Variants in EXOSC10 observed in about 807,000 individuals in gnomAD.
EXOSC10 encodes the protein exosome complex component 10.
Under a neutral mutation model 126.6 loss-of-function variants are expected in EXOSC10, and 94 were observed. That is an observed-to-expected ratio of 0.74 (90% CI 0.63 to 0.88). EXOSC10 has a LOEUF of 0.88. EXOSC10 is among the 40% of genes least tolerant of loss of function. EXOSC10 has a pLI of 0.00. For missense variants in EXOSC10, 1,041 were observed against 1,100.5 expected (o/e 0.95, Z 0.77); for synonymous variants, 395 against 400.8 (o/e 0.99, Z 0.17).
At chr1:11,079,330 A>C (rs1179700786) in intron 14 of EXOSC10, among the ~76,000 whole-genome samples, 1 of 151,222 alleles carries the variant, frequency 6.6e-6, no homozygotes, top group African/African-American at 2.4e-5. Flanking sequence ...TCCGTCTAAA[A>C]AAAACAAAAA....
At position 11,068,532 on chromosome 1, in the gene EXOSC10, G is replaced by C. The variant is rs1031501939; in HGVS notation, c.2550+113C>G. Reference sequence around the variant, plus strand: ...CTGCCCTTGGGAAGAAATGAGGTGAGGAAAAAGATATGCAAAGGAATGGAC... The same window carrying C: ...CTGCCCTTGGGAAGAAATGAGGTGACGAAAAAGATATGCAAAGGAATGGAC... On this transcript the variant is annotated intron_variant, in intron 23 of 24. Transcript: ENST00000376936. 5 of 824,420 alleles carry C rather than the reference G, an allele frequency of 6.1e-6. No individual in the cohort carries two copies. The Admixed American group carries it at 9.7e-5, about 16-fold the overall frequency. 51.1% of individuals were successfully genotyped at this position (824,420 alleles called of 1,614,324 possible).
intron 2 of EXOSC10, 119 bp downstream of exon 2, chr1:11,097,901 T>G: frequency 9.7e-7 from 1 of 1,029,006 alleles, no homozygotes; most frequent in Non-Finnish European, 1.3e-6. Flanking sequence ...ATTTTCACAT[T>G]TTATAGCTCT....
chr1:11,089,870 G>A (rs1267108347), intron 6 of EXOSC10, among the ~76,000 whole-genome samples: 1 of 152,150 alleles, frequency 6.6e-6, no homozygotes, highest in Admixed American at 6.5e-5. Flanking sequence ...CTTGAGCCCA[G>A]GAGGTAAAGG....
At position 11,087,504 on chromosome 1, in the gene EXOSC10, G is replaced by T; in HGVS notation, c.1033C>A (p.Leu345Ile). Residue 345 changes from leucine (L) to isoleucine (I), a missense_variant, in exon 9 of 25, where the codon CTT becomes ATT. By Grantham distance (5) the Leu-to-Ile change is conservative. This residue lies in a region of EXOSC10 where 645 missense variants were observed against 656.3 expected (regional missense o/e 0.98). Transcript: ENST00000376936. The part of the protein sequence containing the change: ...TEDFIIDTLE[L>I]RSDMYILNES... Reference sequence around the variant, plus strand: ...TTGAGAATGTACATGTCACTTCGAAGCTCGAGGGTGTCAATGATGAAGTCT... The same window carrying T: ...TTGAGAATGTACATGTCACTTCGAATCTCGAGGGTGTCAATGATGAAGTCT... 6.2e-7 allele frequency: 1 copy of T among 1,614,110 alleles called. No individual in the cohort carries two copies. Among genetic ancestry groups the T allele is most frequent in the South Asian group, 1.1e-5 (1 of 91,076 alleles).
At chr1:11,066,795 A>G in intron 24 of EXOSC10, 47 bp from the exon 25 acceptor site, 1 of 1,599,602 alleles carries the variant, frequency 6.3e-7, no homozygotes, top group Non-Finnish European at 8.6e-7. Flanking sequence ...GGCTGGTTGG[A>G]TGTTCTCAGA....
At chr1:11,083,714 T>C (rs1209030413) in intron 9 of EXOSC10, among the ~76,000 whole-genome samples, 1 of 152,156 alleles carries the variant, frequency 6.6e-6, no homozygotes, top group Non-Finnish European at 1.5e-5. Context: ...GCCATGCTGG[T>C]GCGCTGCACC....
At chr1:11,081,560 A>AGAC (rs1640168461) in intron 10 of EXOSC10, among the ~76,000 whole-genome samples, 1 of 152,190 alleles carries the variant, frequency 6.6e-6, no homozygotes, top group Admixed American at 6.5e-5. Flanking sequence ...GTCCTTGGAC[A>AGAC]AGTTCCTTAA....
chr1:11,099,574 G>C (rs1218320296), intron 1 of EXOSC10, 147 bp downstream of exon 1: 1 of 833,840 alleles, frequency 1.2e-6, no homozygotes, highest in Non-Finnish European at 1.8e-6. Context: ...GGAGGGTGCA[G>C]GAGAGTCTGC....
At chr1:11,091,421 C>T (rs1640797946) in intron 4 of EXOSC10, 72 bp downstream of exon 4, 2 of 1,296,830 alleles carry the variant, frequency 1.5e-6, no homozygotes, top group South Asian at 2.6e-5. Flanking sequence ...AACAGAAATG[C>T]ATGTTAGAAT....
At position 11,095,872 on chromosome 1, in the gene EXOSC10, T is replaced by C. The variant is rs543014314; in HGVS notation, c.258A>G (p.Arg86=). 1 of 1,612,942 alleles carries C rather than the reference T, an allele frequency of 6.2e-7. No homozygotes were observed. Among genetic ancestry groups the C allele is most frequent in the South Asian group, 1.1e-5 (1 of 91,062 alleles). Residue 86 remains arginine (R), a synonymous_variant, in exon 3 of 25, where the codon AGA becomes AGG. Transcript: ENST00000376936. ...TGCGACACCCATGGTACTGCATTAC[T>C]CTGCTCATGCTAAGGAAAGGAAAAC... ...QGDRLLQCMS[R]VMQYHGCRSN...
chr1:11,092,506 C>T (rs1189636898), intron 3 of EXOSC10, among the ~76,000 whole-genome samples: 1 of 151,098 alleles, frequency 6.6e-6, no homozygotes, highest in African/African-American at 2.4e-5. Flanking sequence ...AGCCACTGTG[C>T]CTGGCCCTGT....
intron 24 of EXOSC10, among the ~76,000 whole-genome samples, chr1:11,067,267 TA>T (rs542045157): frequency 0.012 from 1,805 of 152,106 alleles, 48 homozygotes; most frequent in African/African-American, 0.041. Context: ...CCGTCTCTAC[TA>T]AAAAATACAA....
intron 3 of EXOSC10, 60 bp from the exon 4 acceptor site, chr1:11,091,657 A>G: frequency 7.9e-7 from 1 of 1,260,448 alleles, no homozygotes; most frequent in South Asian, 1.2e-5. Flanking sequence ...AGAGTTAACT[A>G]CCTAACATTT....
intron 20 of EXOSC10, chr1:11,071,726 G>A: frequency 5.2e-6 from 1 of 193,650 alleles, no homozygotes. Context: ...TGCTCATGCA[G>A]GCCCACTTGC....
intron 6 of EXOSC10, 114 bp from the exon 7 acceptor site, chr1:11,088,312 T>C (rs928927622): frequency 4.6e-6 from 3 of 658,336 alleles, no homozygotes; most frequent in South Asian, 4.1e-5. Flanking sequence ...ACTGTGAAAA[T>C]ATCTTCCCTT....
Position 11,081,256 on chromosome 1 carries a change from A to G in EXOSC10, c.1281-18T>C, listed in dbSNP as rs1640152657. 1 of 1,612,760 alleles carries G rather than the reference A, an allele frequency of 6.2e-7. No homozygotes were observed. The highest frequency in any genetic ancestry group is 8.5e-7 in the Non-Finnish European group (1 of 1,178,858). ...GCAGAGGGCTGGAATTGCAGAGGAC[A>G]ATGTTTTACTGATTGCCCCCAAGGA... On this transcript the variant is annotated intron_variant, in intron 10 of 24. Coordinates refer to ENST00000376936, the MANE Select transcript of EXOSC10 (RefSeq NM_001001998.3).
chr1:11,082,688 C>T lies in EXOSC10; in HGVS notation c.1280G>A (p.Arg427His), dbSNP rs140464927. The change falls in exon 10 of 25, where the codon CGC becomes CAC. Residue 427 changes from arginine (R) to histidine (H), a missense_variant and splice_region_variant. Transcript: ENST00000376936. Reference sequence around the variant, plus strand: ...ATTTCCTCAGTAAGAGCAAACTGACCGTATTCTCCAATCAGCCAGCTGATA... The same window carrying T: ...ATTTCCTCAGTAAGAGCAAACTGACTGTATTCTCCAATCAGCCAGCTGATA... Reference protein sequence around the residue: ...KQYQLADWRIRPLPEEMLSYA... With the variant: ...KQYQLADWRIHPLPEEMLSYA... The T allele has an allele frequency of 2.5e-6, 4 of 1,614,010 alleles. No homozygotes were observed. Among genetic ancestry groups the T allele is most frequent in the East Asian group, 2.2e-5 (1 of 44,878 alleles).
intron 1 of EXOSC10, 161 bp downstream of exon 1, chr1:11,099,560 C>T (rs1557725502): frequency 1.5e-6 from 1 of 673,246 alleles, no homozygotes; most frequent in South Asian, 2.6e-5. Context: ...GAGGCCCCAT[C>T]CCCGGAGGGT....
chr1:11,091,354 G>A, intron 4 of EXOSC10, 139 bp downstream of exon 4: 2 of 924,752 alleles, frequency 2.2e-6, no homozygotes, highest in Non-Finnish European at 3.3e-6. Flanking sequence ...TAATTAGTTT[G>A]TGTATGTTTA....
Sources: allele counts gnomAD v4.1 joint callset (sites outside exome capture counted in the v4.1 genomes callset), GRCh38; gene constraint gnomAD v4.1.1; regional missense constraint gnomAD v4.1.1; transcripts MANE v1.5; gene names NCBI Gene and HGNC (gene_info 2026-07-23, HGNC 2026-07-21).